The following KAZN variants were observed in gnomAD, a reference collection of about 807,000 sequenced individuals.
KAZN encodes the protein kazrin, periplakin interacting protein, also known as kazrin.
KAZN carries 40 observed loss-of-function variants against 87.4 expected under a neutral mutation model. The ratio of observed to expected loss-of-function variants is 0.46; its 90% CI spans 0.36 to 0.60. The LOEUF is 0.60. Among genes scored for constraint, KAZN ranks in the 20% least tolerant of loss-of-function variants. The probability of loss-of-function intolerance (pLI) is 0.00; values close to 1 mark genes in which losing one functional copy is unlikely to be tolerated. For synonymous variants in KAZN, 466 were observed against 458.3 expected (o/e 1.02, Z -0.22); for missense variants, 898 against 1,073.9 (o/e 0.84, Z 2.29).
chr1:14,347,735 G>T (rs1571354949), intron 2 of KAZN, among the ~76,000 whole-genome samples: 1 of 151,740 alleles, frequency 6.6e-6, no homozygotes, highest in East Asian at 1.9e-4. Flanking sequence ...CTATGTAAAG[G>T]GTGTGTGTGT....
At chr1:14,416,324 A>T (rs1664756607) in intron 2 of KAZN, among the ~76,000 whole-genome samples, 1 of 152,216 alleles carries the variant, frequency 6.6e-6, no homozygotes, top group African/African-American at 2.4e-5. Context: ...TGGGTATAAA[A>T]TATTACGGAA....
chr1:14,239,198 G>T (rs752928515), intron 2 of KAZN, among the ~76,000 whole-genome samples: 76 of 152,124 alleles, frequency 5.0e-4, no homozygotes, highest in Non-Finnish European at 9.4e-4. Context: ...ATATGCTTTA[G>T]TGGACAAGGG....
intron 8 of KAZN, among the ~76,000 whole-genome samples, chr1:15,076,361 G>A (rs186456050): frequency 6.6e-6 from 1 of 152,230 alleles, no homozygotes; most frequent in Non-Finnish European, 1.5e-5. Flanking sequence ...ACAGGGAGGG[G>A]CTTGAGGAAA....
At chr1:14,132,788 C>G (rs531749305) in intron 1 of KAZN, among the ~76,000 whole-genome samples, 1 of 152,250 alleles carries the variant, frequency 6.6e-6, no homozygotes, top group South Asian at 2.1e-4. Context: ...GTTAGCCTGT[C>G]TCCCTTTGGA....
chr1:14,277,065 T>C (rs1178813333), intron 2 of KAZN, among the ~76,000 whole-genome samples: 1 of 152,232 alleles, frequency 6.6e-6, no homozygotes, highest in African/African-American at 2.4e-5. Flanking sequence ...TAAAACTTCC[T>C]CTTTTTCTTT....
chr1:14,506,738 C>T (rs1019507487), intron 2 of KAZN, among the ~76,000 whole-genome samples: 3 of 152,154 alleles, frequency 2.0e-5, no homozygotes. Flanking sequence ...GTGCCAGGGA[C>T]AGTGCTTTAG....
intron 8 of KAZN, among the ~76,000 whole-genome samples, chr1:15,090,501 GCCGGCCTGCACC>G (rs1169273023): frequency 1.3e-5 from 2 of 152,230 alleles, no homozygotes; most frequent in Non-Finnish European, 2.9e-5. Flanking sequence ...AGCACTGGCT[GCCGGCCTGCACC>G]CCGGCCTGAC....
At chr1:14,691,943 T>TTA (rs1641338003) in intron 1 of KAZN, among the ~76,000 whole-genome samples, 1 of 145,072 alleles carries the variant, frequency 6.9e-6, no homozygotes, top group Non-Finnish European at 1.5e-5. Flanking sequence ...TTTTTTTTTT[T>TTA]ACGATGAATT....
chr1:14,253,495 G>A (rs1025618716), intron 2 of KAZN, among the ~76,000 whole-genome samples: 2 of 152,180 alleles, frequency 1.3e-5, no homozygotes, highest in South Asian at 2.1e-4. Context: ...AGGACTATTT[G>A]CATTTTGAAA....
chr1:14,082,133 G>A (rs967646848), intron 1 of KAZN, among the ~76,000 whole-genome samples: 3 of 152,082 alleles, frequency 2.0e-5, no homozygotes, highest in Non-Finnish European at 4.4e-5. Context: ...ACGTTCCATG[G>A]TGTGTTCATC....
In KAZN at chr1:14,436,717, CAAAAAA is replaced by C. The variant is rs1197002414; in HGVS notation, c.250-162250_250-162245del. Among the ~76,000 whole-genome samples, 5 of 51,306 alleles carry C rather than the reference CAAAAAA, an allele frequency of 9.7e-5. No homozygotes were observed. The South Asian group carries it at 2.6e-3, about 27-fold the overall frequency. 33.7% of individuals were successfully genotyped at this position (51,306 alleles called of 152,430 possible). A position where few individuals can be genotyped will look rare whatever the true frequency, so the allele number is the denominator to read the frequency against. The stretch of plus-strand genomic sequence containing the variant: ...TGGGCGACAGAGCGAGACTCTGTCT[CAAAAAA>C]AAAAAAAAAAAAAAACCTTAAAACA... On this transcript the variant is annotated intron_variant, in intron 2 of 16. Coordinates refer to the KAZN transcript ENST00000636203.
chr1:14,496,420 T>C (rs16850384), intron 2 of KAZN, among the ~76,000 whole-genome samples: 4,205 of 152,202 alleles, frequency 0.028, 184 homozygotes, highest in African/African-American at 0.095. Flanking sequence ...AAATTGATAT[T>C]CATAGACTCG....
At chr1:14,812,661 A>C (rs923418846) in intron 1 of KAZN, among the ~76,000 whole-genome samples, 2 of 152,162 alleles carry the variant, frequency 1.3e-5, no homozygotes, top group African/African-American at 4.8e-5. Context: ...CTACAGGTGC[A>C]TGCCACCATG....
chr1:14,694,945 G>A (rs1046214726), intron 1 of KAZN, among the ~76,000 whole-genome samples: 7 of 152,164 alleles, frequency 4.6e-5, no homozygotes, highest in Non-Finnish European at 8.8e-5. Context: ...TATATCGGAG[G>A]TCATGGAAGG....
intron 1 of KAZN, among the ~76,000 whole-genome samples, chr1:14,892,752 C>T (rs1654849579): frequency 6.6e-6 from 1 of 152,164 alleles, no homozygotes; most frequent in Non-Finnish European, 1.5e-5. Context: ...GACACTTGTG[C>T]CACGGGGCTG....
intron 1 of KAZN, among the ~76,000 whole-genome samples, chr1:14,730,361 C>CACTTTGGGATTACACG (rs1302137305): frequency 6.6e-6 from 1 of 152,162 alleles, no homozygotes; most frequent in East Asian, 1.9e-4. Flanking sequence ...GGATTACAGG[C>CACTTTGGGATTACACG]GTGAGCCACC....
chr1:15,005,765 A>G (rs1220047144), intron 2 of KAZN, among the ~76,000 whole-genome samples: 1 of 151,020 alleles, frequency 6.6e-6, no homozygotes, highest in East Asian at 2.0e-4. Context: ...TCCAGCCTGC[A>G]TGGCAGAGCG....
At chr1:14,809,349 T>A (rs1646332725) in intron 1 of KAZN, among the ~76,000 whole-genome samples, 1 of 152,232 alleles carries the variant, frequency 6.6e-6, no homozygotes, top group Non-Finnish European at 1.5e-5. Context: ...CCTAGACAGC[T>A]GTGCTTTCTG....
intron 1 of KAZN, among the ~76,000 whole-genome samples, chr1:14,851,820 A>G (rs1649479931): frequency 6.6e-6 from 1 of 152,192 alleles, no homozygotes; most frequent in Admixed American, 6.5e-5. Context: ...ACGCCTTCTC[A>G]TAGCAGTCAT....
Sources: gnomAD v4.1 joint callset for allele counts (sites outside exome capture counted in the v4.1 genomes callset) on GRCh38, gnomAD v4.1.1 for gene constraint, MANE v1.5 for transcripts, NCBI Gene and HGNC (gene_info 2026-07-23, HGNC 2026-07-21) for gene names.